ZNF334: variants seen among roughly 807,000 people sequenced by gnomAD.
The protein encoded by ZNF334 is zinc finger protein 334.
In ZNF334, 14 loss-of-function variants were observed where a neutral mutation model predicts 12.4. That is an observed-to-expected ratio of 1.13 (90% CI 0.74 to 1.76). The LOEUF (loss-of-function observed/expected upper bound fraction) is 1.76. Ranked by LOEUF, ZNF334 falls within the 40% of genes most tolerant of loss-of-function variation. The pLI, the probability that ZNF334 is intolerant of heterozygous loss-of-function variation, is 0.00. For missense variants in ZNF334, 797 were observed against 804.5 expected (o/e 0.99, Z 0.11); for synonymous variants, 273 against 269.6 (o/e 1.01, Z -0.12).
At chr20:46,495,847 G>C (rs2061013431), downstream of ZNF334, among the ~76,000 whole-genome samples, 1 of 152,262 alleles carries the variant, frequency 6.6e-6, no homozygotes, top group African/African-American at 2.4e-5. Context: ...TAGTGCTTGG[G>C]AACAGCAAGA....
chr20:46,507,813 GTTACA>G (rs901321221), intron 2 of ZNF334, among the ~76,000 whole-genome samples: 1 of 152,200 alleles, frequency 6.6e-6, no homozygotes, highest in African/African-American at 2.4e-5. Context: ...ACCAGAAGTA[GTTACA>G]TTATCCATTT....
intron 2 of ZNF334, chr20:46,506,664 A>C: frequency 4.1e-6 from 1 of 245,574 alleles, no homozygotes; most frequent in Non-Finnish European, 7.7e-6. Context: ...GTGAAAAAAA[A>C]TTATGGAAAG....
the ZNF334 span, among the ~76,000 whole-genome samples, chr20:46,486,794 ATC>A: frequency 6.6e-6 from 1 of 152,122 alleles, no homozygotes; most frequent in Non-Finnish European, 1.5e-5. Flanking sequence ...TCTTTCCTGC[ATC>A]TCACCACTGC....
chr20:46,469,864 A>G, the ZNF334 span, among the ~76,000 whole-genome samples: 2 of 152,100 alleles, frequency 1.3e-5, no homozygotes, highest in Non-Finnish European at 2.9e-5. Context: ...ACCCTTAAGC[A>G]AACTGATGGG....
chr20:46,496,702 A>G (rs2145921238), downstream of ZNF334: 1 of 152,230 alleles, frequency 6.6e-6, no homozygotes, highest in East Asian at 1.9e-4. Flanking sequence ...CACCCGACAC[A>G]TTTCTTACCT....
chr20:46,476,787 T>C, the ZNF334 span, among the ~76,000 whole-genome samples: 9 of 151,360 alleles, frequency 5.9e-5, no homozygotes, highest in African/African-American at 2.2e-4. Flanking sequence ...TAAGCATTTA[T>C]CATGGTTTCT....
chr20:46,503,175 C>T lies in ZNF334; in HGVS notation c.242-78G>A, dbSNP rs865841713. 119 of 1,469,592 alleles carry T rather than the reference C, an allele frequency of 8.1e-5. 1 individual carries two copies. In the Middle Eastern group the frequency reaches 9.9e-4, roughly 12 times the overall value. 91.0% of individuals were successfully genotyped at this position (1,469,592 alleles called of 1,614,324 possible). Reference sequence around the variant, plus strand: ...ATGAAATGAGAATTCCTTAGAAATGCATTGTTTTAGGGGTTAGACTTCAGG... The same window carrying T: ...ATGAAATGAGAATTCCTTAGAAATGTATTGTTTTAGGGGTTAGACTTCAGG... On this transcript the variant is annotated intron_variant, in intron 4 of 4. Transcript: ENST00000692313.
At chr20:46,472,760 G>A in the ZNF334 span, among the ~76,000 whole-genome samples, 2 of 152,228 alleles carry the variant, frequency 1.3e-5, no homozygotes, top group African/African-American at 2.4e-5. Context: ...ATACTTGAGA[G>A]CAGTGAGTGG....
In ZNF334 at chr20:46,502,624, A is replaced by T; in HGVS notation, c.715T>A (p.Cys239Ser). 1 of 1,613,128 alleles carries T rather than the reference A, an allele frequency of 6.2e-7. No homozygotes were observed. The highest frequency in any genetic ancestry group is 8.5e-7 in the Non-Finnish European group (1 of 1,180,014). ...GRQTERKPNECNECRKTFSKR... is the reference protein window; with the variant it reads ...GRQTERKPNESNECRKTFSKR... ...GAAAAGGTTTTCCTACATTCATTAC[A>T]TTCATTTGGTTTCCTTTCAGTCTGT... is the stretch of plus-strand genomic sequence containing the variant. Residue 239 changes from cysteine to serine, a missense_variant, in exon 5 of 5, where the codon TGT becomes AGT. Coordinates refer to ENST00000692313, the MANE Select transcript of ZNF334 (RefSeq NM_001353824.2).
chr20:46,488,566 A>G, the ZNF334 span, among the ~76,000 whole-genome samples: 1 of 151,614 alleles, frequency 6.6e-6, no homozygotes. Flanking sequence ...AGATTTAAGT[A>G]ATAGTAATAA....
chr20:46,481,897 T>C, the ZNF334 span, among the ~76,000 whole-genome samples: 1 of 152,182 alleles, frequency 6.6e-6, no homozygotes, highest in African/African-American at 2.4e-5. Flanking sequence ...AAGCTGTGAA[T>C]GTGTTACCTT....
At chr20:46,486,716 G>A in the ZNF334 span, among the ~76,000 whole-genome samples, 1 of 143,320 alleles carries the variant, frequency 7.0e-6, no homozygotes, top group Non-Finnish European at 1.5e-5. Flanking sequence ...GCATATTATA[G>A]TTTGACAAAA....
At chr20:46,490,362 A>G in the ZNF334 span, among the ~76,000 whole-genome samples, 2 of 152,236 alleles carry the variant, frequency 1.3e-5, no homozygotes, top group African/African-American at 2.4e-5. Context: ...TTGATAAGAC[A>G]GATGTGTATT....
At chr20:46,498,476 T>G (rs1362244476), downstream of ZNF334, among the ~76,000 whole-genome samples, 1 of 152,136 alleles carries the variant, frequency 6.6e-6, no homozygotes, top group Non-Finnish European at 1.5e-5. Flanking sequence ...AAGTGGATCT[T>G]TCAGCCCCGT....
chr20:46,504,869 G>A (rs1223327785), intron 2 of ZNF334, 129 bp from the exon 3 acceptor site: 2 of 759,902 alleles, frequency 2.6e-6, no homozygotes, highest in Non-Finnish European at 4.0e-6. Flanking sequence ...TGGGAGGGCA[G>A]AAAATTAAAA....
chr20:46,510,248 A>T (rs936515210), intron 2 of ZNF334, among the ~76,000 whole-genome samples: 7 of 152,154 alleles, frequency 4.6e-5, no homozygotes, highest in African/African-American at 1.7e-4. Flanking sequence ...AACAGCCTTG[A>T]GGTGGGAAGA....
chr20:46,476,875 G>A, the ZNF334 span: 1 of 152,190 alleles, frequency 6.6e-6, no homozygotes, highest in Non-Finnish European at 1.5e-5. Context: ...ACAACTTTGG[G>A]ATATATCCTA....
At chr20:46,497,208 T>C (rs1261109742), downstream of ZNF334, among the ~76,000 whole-genome samples, 1 of 152,178 alleles carries the variant, frequency 6.6e-6, no homozygotes, top group Non-Finnish European at 1.5e-5. Flanking sequence ...CTGATGCAGT[T>C]CATAGAGGTC....
rs551129034 is a variant in ZNF334, at chr20:46,509,444, C to A, written c.21+2638G>T. ...ATGAGAGGCATTAGCATGCTGCCCA[C>A]CAACTCACTACAAGCCCCAAAGAGG... On this transcript the variant is annotated intron_variant, in intron 2 of 4. Transcript: ENST00000692313. Among the ~76,000 whole-genome samples, 77 of 152,286 alleles carry A rather than the reference C, an allele frequency of 5.1e-4. No homozygotes were observed. The South Asian group carries it at 5.8e-3, about 11-fold the overall frequency.
Sources: gnomAD v4.1 joint callset for allele counts (sites outside exome capture counted in the v4.1 genomes callset) on GRCh38, gnomAD v4.1.1 for gene constraint, MANE v1.5 for transcripts, NCBI Gene and HGNC (gene_info 2026-07-23, HGNC 2026-07-21) for gene names.